LRRFIP1: variants seen among roughly 807,000 people sequenced by gnomAD.
LRRFIP1 encodes the protein leucine-rich repeat flightless-interacting protein 1.
In LRRFIP1, 62 loss-of-function variants were observed where a neutral mutation model predicts 104.4. The ratio of observed to expected loss-of-function variants is 0.59; its 90% CI spans 0.48 to 0.73. The LOEUF is 0.73. Ranked by LOEUF, LRRFIP1 falls within the 30% of genes least tolerant of loss-of-function variation. The pLI is 0.00. For synonymous variants in LRRFIP1, 300 were observed against 299.0 expected (o/e 1.00, Z -0.03); for missense variants, 796 against 824.5 (o/e 0.97, Z 0.42).
At chr2:237,707,040 G>T (rs2093846133) in intron 1 of LRRFIP1, among the ~76,000 whole-genome samples, 1 of 152,182 alleles carries the variant, frequency 6.6e-6, no homozygotes, top group South Asian at 2.1e-4. Context: ...TGATTTGAAA[G>T]ACATGGGGTG....
chr2:237,650,888 G>C (rs1458443755), intron 1 of LRRFIP1, among the ~76,000 whole-genome samples: 6 of 152,166 alleles, frequency 3.9e-5, no homozygotes. Flanking sequence ...GGGAAGCTGG[G>C]TAAATGTCGG....
intron 1 of LRRFIP1, among the ~76,000 whole-genome samples, chr2:237,687,242 T>C (rs1163063430): frequency 6.6e-6 from 1 of 152,240 alleles, no homozygotes; most frequent in Non-Finnish European, 1.5e-5. Flanking sequence ...TGAAAGGTGC[T>C]GTGTAAATTT....
At chr2:237,741,197 G>A (rs1205255277) in intron 11 of LRRFIP1, among the ~76,000 whole-genome samples, 1 of 152,230 alleles carries the variant, frequency 6.6e-6, no homozygotes, top group Non-Finnish European at 1.5e-5. Context: ...TCTCCCCAGA[G>A]TGCATCAGGC....
intron 11 of LRRFIP1, among the ~76,000 whole-genome samples, chr2:237,744,237 T>A (rs987215680): frequency 5.9e-5 from 9 of 152,182 alleles, no homozygotes; most frequent in Non-Finnish European, 1.3e-4. Context: ...AAATTACCCT[T>A]AAAATGGGTG....
At chr2:237,765,788 A>C (rs1213787364) in intron 19 of LRRFIP1, 1 of 962,936 alleles carries the variant, frequency 1.0e-6, no homozygotes, top group Non-Finnish European at 1.2e-6. Context: ...TTGACATTTT[A>C]TGAAATTATG....
intron 1 of LRRFIP1, among the ~76,000 whole-genome samples, chr2:237,696,005 A>G (rs2149815156): frequency 7.6e-6 from 1 of 131,082 alleles, no homozygotes; most frequent in East Asian, 2.4e-4. Context: ...GGCAACAGAA[A>G]TTATATGTAT....
rs1327149300 is a variant in LRRFIP1 at position 237,661,718 on chromosome 2, G to A, written c.96+33978G>A. ...TGTCCCTGGTGCAACACGGGAGTGG[G>A]CACACATTCTCTGTGCTGTGCATGG... is the stretch of plus-strand genomic sequence containing the variant. On this transcript the variant is annotated intron_variant, in intron 1 of 23. Coordinates refer to ENST00000308482, the MANE Select transcript of LRRFIP1 (RefSeq NM_001137550.2). This position sits in a 1 kb window ranked among gnomAD's most constrained non-coding sequence, Gnocchi z 4.4. Among the ~76,000 whole-genome samples, 1 of 152,196 alleles carries A rather than the reference G, an allele frequency of 6.6e-6. No individual in the cohort carries two copies. The highest frequency in any genetic ancestry group is 1.5e-5 in the Non-Finnish European group (1 of 68,032).
At chr2:237,668,692 CTTA>C (rs1370133156) in intron 1 of LRRFIP1, among the ~76,000 whole-genome samples, 2 of 130,160 alleles carry the variant, frequency 1.5e-5, no homozygotes, top group Non-Finnish European at 3.5e-5. Context: ...ACACTAGCTG[CTTA>C]TTATCCTCAC....
At chr2:237,718,291 TA>T in intron 4 of LRRFIP1, among the ~76,000 whole-genome samples, 1 of 152,394 alleles carries the variant, frequency 6.6e-6, no homozygotes, top group African/African-American at 2.4e-5. Flanking sequence ...CGCCCTCATT[TA>T]GACTTTATCT....
chr2:237,777,993 G>A (rs1483985951), intron 23 of LRRFIP1, among the ~76,000 whole-genome samples: 1 of 152,066 alleles, frequency 6.6e-6, no homozygotes, highest in Non-Finnish European at 1.5e-5. Context: ...GCATGTTCAT[G>A]TATGTCCTCT....
chr2:237,756,290 C>T (rs1366018315), intron 16 of LRRFIP1, 103 bp downstream of exon 16: 3 of 750,354 alleles, frequency 4.0e-6, no homozygotes, highest in Non-Finnish European at 6.6e-6. Context: ...ATACCATACA[C>T]AGCATGGCTT....
intron 1 of LRRFIP1, among the ~76,000 whole-genome samples, chr2:237,650,289 T>G (rs2085706236): frequency 6.6e-6 from 1 of 151,634 alleles, no homozygotes; most frequent in Non-Finnish European, 1.5e-5. Flanking sequence ...TGGGGGCTGT[T>G]GTGGCTGAGC....
chr2:237,750,357 C>T (rs2058460450), intron 13 of LRRFIP1, among the ~76,000 whole-genome samples: 2 of 60,098 alleles, frequency 3.3e-5, no homozygotes, highest in African/African-American at 6.7e-5. Context: ...TTTTTGGAGA[C>T]AAGAGTTTTG....
chr2:237,748,102 G>A (rs2058111971), intron 11 of LRRFIP1, among the ~76,000 whole-genome samples: 1 of 152,186 alleles, frequency 6.6e-6, no homozygotes, highest in Admixed American at 6.5e-5. Flanking sequence ...CCCGCTGTGG[G>A]TCCCACTGAG....
At chr2:237,732,801 A>G (rs1002008987) in intron 8 of LRRFIP1, among the ~76,000 whole-genome samples, 4 of 152,038 alleles carry the variant, frequency 2.6e-5, no homozygotes, top group Admixed American at 2.0e-4. Context: ...GCAATTTGGA[A>G]GGTTTTTGTG....
At chr2:237,667,862 C>T (rs371737816) in intron 1 of LRRFIP1, among the ~76,000 whole-genome samples, 6 of 152,244 alleles carry the variant, frequency 3.9e-5, no homozygotes, top group African/African-American at 1.4e-4. Context: ...ACTCAGGCTC[C>T]GTCAGCCTCT....
intron 1 of LRRFIP1, among the ~76,000 whole-genome samples, chr2:237,642,849 G>A (rs2084233207): frequency 6.6e-6 from 1 of 152,204 alleles, no homozygotes; most frequent in Non-Finnish European, 1.5e-5. Context: ...CTGAACTCTA[G>A]GTTTTCGATT....
intron 19 of LRRFIP1, chr2:237,765,281 ACAC>A (rs1414801064): frequency 2.0e-3 from 202 of 101,784 alleles, no homozygotes; most frequent in African/African-American, 8.4e-3. Flanking sequence ...AAAAAAAAAC[ACAC>A]ACACACACAA....
At chr2:237,714,226 T>G in intron 2 of LRRFIP1, 33 bp from the exon 3 acceptor site, 1 of 1,533,058 alleles carries the variant, frequency 6.5e-7, no homozygotes, top group East Asian at 2.3e-5. Flanking sequence ...AATTGGATTT[T>G]ACATTTCTTT....
Sources: gnomAD v4.1 joint callset for allele counts (sites outside exome capture counted in the v4.1 genomes callset) on GRCh38, gnomAD v4.1.1 for gene constraint, Gnocchi (gnomAD v3.1) non-coding constraint, MANE v1.5 for transcripts, NCBI Gene and HGNC (gene_info 2026-07-23, HGNC 2026-07-21) for gene names.